KLF8: variants seen among roughly 807,000 people sequenced by gnomAD.
KLF8 encodes the protein Krueppel-like factor 8.
Under a neutral mutation model 18.2 loss-of-function variants are expected in KLF8, and 10 were observed. The observed-to-expected ratio is 0.55, with a 90% CI of 0.34 to 0.93. The LOEUF (loss-of-function observed/expected upper bound fraction) is 0.93, where lower values mean the gene tolerates loss of function less well. Ranked by LOEUF, KLF8 falls within the 40% of genes least tolerant of loss-of-function variation. The pLI, the probability that KLF8 is intolerant of heterozygous loss-of-function variation, is 0.02. For synonymous variants in KLF8, 109 were observed against 97.3 expected, an observed-to-expected ratio of 1.12 and a Z score of -0.71; for missense variants, 264 against 277.9, an observed-to-expected ratio of 0.95 and a Z score of 0.36.
the KLF8 span, among the ~76,000 whole-genome samples, chrX:55,951,567 A>G: frequency 9.1e-6 from 1 of 110,260 alleles, no homozygotes; most frequent in African/African-American, 3.3e-5. Context: ...GAGAGAAAGA[A>G]TGAGGAGAGC....
chrX:56,049,241 A>G, the KLF8 span, among the ~76,000 whole-genome samples: 10,303 of 110,904 alleles, frequency 0.093, 1,191 homozygotes, highest in African/African-American at 0.32. Context: ...CTCTTTTCCT[A>G]ACTGAATGCC....
intron 5 of KLF8, among the ~76,000 whole-genome samples, chrX:56,283,861 G>A (rs2067235080): frequency 8.9e-6 from 1 of 112,030 alleles, no homozygotes; most frequent in Admixed American, 9.5e-5. Context: ...CCAGGGAGAA[G>A]TGATTATATA....
the KLF8 span, among the ~76,000 whole-genome samples, chrX:56,060,985 G>T: frequency 1.8e-5 from 2 of 111,802 alleles, no homozygotes; most frequent in Non-Finnish European, 3.8e-5. Flanking sequence ...TGACATAGAG[G>T]TGTTTCTAGT....
intron 1 of KLF8, among the ~76,000 whole-genome samples, chrX:56,242,493 C>T (rs757566947): frequency 3.6e-5 from 4 of 112,120 alleles, no homozygotes; most frequent in African/African-American, 9.7e-5. Context: ...GATTGGTCTT[C>T]CTAACAGCCA....
At chrX:56,070,451 G>A in the KLF8 span, among the ~76,000 whole-genome samples, 1 of 108,983 alleles carries the variant, frequency 9.2e-6, no homozygotes, top group Non-Finnish European at 1.9e-5. Flanking sequence ...AGAGAGTGTG[G>A]TACATATAAA....
the KLF8 span, among the ~76,000 whole-genome samples, chrX:56,076,304 C>CACCAG: frequency 3.1e-5 from 2 of 64,541 alleles, no homozygotes; most frequent in African/African-American, 1.3e-4. Context: ...CCCCACCCCA[C>CACCAG]AACAGTCCCC....
chrX:56,068,242 G>A, the KLF8 span, among the ~76,000 whole-genome samples: 1 of 111,616 alleles, frequency 9.0e-6, no homozygotes, highest in Admixed American at 9.5e-5. Context: ...CTGTTGTCCT[G>A]GAAAATACCC....
the KLF8 span, among the ~76,000 whole-genome samples, chrX:56,000,308 G>T: frequency 9.1e-6 from 1 of 110,038 alleles, no homozygotes; most frequent in African/African-American, 3.3e-5. Context: ...GTTTTTGTGT[G>T]TGTGTGTCCT....
chrX:56,083,905 G>T, the KLF8 span, among the ~76,000 whole-genome samples: 329 of 111,507 alleles, frequency 3.0e-3, no homozygotes, highest in African/African-American at 0.01. Context: ...TCCATCCATG[G>T]AAAAAATTGT....
chrX:56,083,818 G>A, the KLF8 span, among the ~76,000 whole-genome samples: 1 of 111,390 alleles, frequency 9.0e-6, no homozygotes, highest in Non-Finnish European at 1.9e-5. Context: ...GATCTATGTT[G>A]CAGGCTCCTT....
intron 1 of KLF8, among the ~76,000 whole-genome samples, chrX:56,247,043 G>A (rs2066631174): frequency 9.0e-6 from 1 of 111,677 alleles, no homozygotes; most frequent in Non-Finnish European, 1.9e-5. Flanking sequence ...ATCCCTTAAT[G>A]AAGGGGATAT....
the KLF8 span, among the ~76,000 whole-genome samples, chrX:56,011,710 T>C: frequency 9.0e-6 from 1 of 110,665 alleles, no homozygotes; most frequent in Admixed American, 9.6e-5. Flanking sequence ...GACCACTAGT[T>C]AGACTAATAA....
At chrX:56,208,172 C>T in the KLF8 span, among the ~76,000 whole-genome samples, 2 of 111,522 alleles carry the variant, frequency 1.8e-5, no homozygotes, top group Non-Finnish European at 3.8e-5. Flanking sequence ...GAAGACACAG[C>T]TAAACCATAT....
chrX:56,130,639 G>C, the KLF8 span, among the ~76,000 whole-genome samples: 1 of 111,039 alleles, frequency 9.0e-6, no homozygotes, highest in Non-Finnish European at 1.9e-5. Context: ...ACCAGCAATG[G>C]ATCCAAGCCA....
At chrX:56,243,166 C>T (rs536726461) in intron 1 of KLF8, 149 of 511,989 alleles carry the variant, frequency 2.9e-4, no homozygotes, top group South Asian at 2.5e-3. Context: ...CAGTGGTCAG[C>T]GGAAACTTGG....
chrX:56,213,602 C>T, the KLF8 span, among the ~76,000 whole-genome samples: 2 of 110,412 alleles, frequency 1.8e-5, no homozygotes, highest in Admixed American at 9.7e-5. Context: ...GGATAACAGG[C>T]ATGAGCCACC....
the KLF8 span, among the ~76,000 whole-genome samples, chrX:56,143,344 C>T: frequency 8.9e-6 from 1 of 112,280 alleles, no homozygotes; most frequent in Non-Finnish European, 1.9e-5. Context: ...ATAGCAGCCC[C>T]TAATCACTCA....
the KLF8 span, among the ~76,000 whole-genome samples, chrX:56,134,794 C>T: frequency 9.2e-6 from 1 of 108,417 alleles, no homozygotes; most frequent in African/African-American, 3.4e-5. Flanking sequence ...GGGACTCAAA[C>T]AAATTAGCAG....
At chrX:56,085,835 A>C in the KLF8 span, among the ~76,000 whole-genome samples, 1 of 112,249 alleles carries the variant, frequency 8.9e-6, no homozygotes, top group Non-Finnish European at 1.9e-5. Context: ...TCAGTTCAGC[A>C]TAAACTTAAC....
Sources: gnomAD v4.1 joint callset for allele counts (sites outside exome capture counted in the v4.1 genomes callset) on GRCh38, gnomAD v4.1.1 for gene constraint, MANE v1.5 for transcripts, NCBI Gene and HGNC (gene_info 2026-07-23, HGNC 2026-07-21) for gene names.